Variants in OPCML observed in about 807,000 individuals in gnomAD.
The protein encoded by OPCML is opioid-binding protein/cell adhesion molecule.
A neutral mutation model predicts 37.8 loss-of-function variants in OPCML; 13 were observed. The observed-to-expected ratio is 0.34, with a 90% CI of 0.22 to 0.55. The LOEUF is 0.55. OPCML is among the 20% of genes least tolerant of loss of function. The pLI is 0.91. For synonymous variants in OPCML, 176 were observed against 168.8 expected (o/e 1.04, Z -0.33); for missense variants, 341 against 435.6 (o/e 0.78, Z 1.93).
intron 3 of OPCML, among the ~76,000 whole-genome samples, chr11:132,593,669 T>G (rs2096488171): frequency 6.6e-6 from 1 of 152,136 alleles, no homozygotes; most frequent in Non-Finnish European, 1.5e-5. Flanking sequence ...GAGAATTCTC[T>G]GAGATGAAGT....
intron 1 of OPCML, among the ~76,000 whole-genome samples, chr11:132,963,357 C>T (rs578101593): frequency 6.6e-6 from 1 of 151,944 alleles, no homozygotes; most frequent in South Asian, 2.1e-4. Context: ...TTTGGGAGTT[C>T]GAGGTGGGCG....
intron 1 of OPCML, among the ~76,000 whole-genome samples, chr11:133,314,200 A>C (rs908979372): frequency 2.4e-5 from 3 of 126,102 alleles, no homozygotes; most frequent in Non-Finnish European, 4.7e-5. Flanking sequence ...GCGCCACTGC[A>C]CTCCAGCCTG....
chr11:133,446,212 A>G (rs1946471470), intron 1 of OPCML, among the ~76,000 whole-genome samples: 1 of 152,128 alleles, frequency 6.6e-6, no homozygotes, highest in Non-Finnish European at 1.5e-5. Context: ...AGAACTCCCA[A>G]TCTCCCTTTA....
At chr11:132,566,746 A>C (rs927953964) in intron 3 of OPCML, among the ~76,000 whole-genome samples, 2 of 152,182 alleles carry the variant, frequency 1.3e-5, no homozygotes, top group Admixed American at 1.3e-4. Flanking sequence ...AAGTGCTATA[A>C]AAGCACAGTG....
At chr11:133,024,275 A>G (rs1407838408) in intron 1 of OPCML, 1 of 887,180 alleles carries the variant, frequency 1.1e-6, no homozygotes, top group African/African-American at 1.8e-5. Flanking sequence ...AAAAGCTTCT[A>G]GAGCAAGCGT....
intron 2 of OPCML, among the ~76,000 whole-genome samples, chr11:132,664,866 G>A (rs2135796758): frequency 6.6e-6 from 1 of 152,330 alleles, no homozygotes; most frequent in Non-Finnish European, 1.5e-5. Context: ...ATAAGGTATT[G>A]GTTGAGAATG....
At chr11:132,720,895 T>C (rs1366128577) in intron 2 of OPCML, among the ~76,000 whole-genome samples, 1 of 151,390 alleles carries the variant, frequency 6.6e-6, no homozygotes, top group Non-Finnish European at 1.5e-5. Context: ...CCCTAATAGC[T>C]TTACATAGAG....
At chr11:132,532,589 A>G (rs1338315163) in intron 3 of OPCML, among the ~76,000 whole-genome samples, 1 of 152,196 alleles carries the variant, frequency 6.6e-6, no homozygotes, top group Non-Finnish European at 1.5e-5. Flanking sequence ...ATCTCACTGC[A>G]TTATGATTCC....
intron 1 of OPCML, among the ~76,000 whole-genome samples, chr11:133,045,203 T>C (rs1445962039): frequency 1.3e-5 from 2 of 152,126 alleles, no homozygotes; most frequent in Non-Finnish European, 2.9e-5. Flanking sequence ...GGGTGCATTC[T>C]TTCACACCTC....
chr11:132,737,408 T>C (rs2136027771), intron 2 of OPCML, among the ~76,000 whole-genome samples: 1 of 152,288 alleles, frequency 6.6e-6, no homozygotes, highest in South Asian at 2.1e-4. Flanking sequence ...CGACACATCA[T>C]ATAGTCTATT....
intron 1 of OPCML, among the ~76,000 whole-genome samples, chr11:133,326,447 G>A (rs1040080841): frequency 7.0e-6 from 1 of 142,054 alleles, no homozygotes; most frequent in Admixed American, 7.4e-5. Flanking sequence ...GTGTATGTGT[G>A]TGTATGTGTG....
chr11:132,582,846 GTT>G (rs386375310), intron 3 of OPCML, among the ~76,000 whole-genome samples: 2 of 43,722 alleles, frequency 4.6e-5, no homozygotes, highest in Non-Finnish European at 4.6e-5. Flanking sequence ...TTTGTTTAAG[GTT>G]TTTTTTTTTT....
At chr11:132,832,681 CACTT>C (rs1479433056) in intron 2 of OPCML, among the ~76,000 whole-genome samples, 2 of 152,204 alleles carry the variant, frequency 1.3e-5, no homozygotes, top group Non-Finnish European at 2.9e-5. Context: ...GGTCATGTGT[CACTT>C]ACTAGCTGAG....
intron 1 of OPCML, among the ~76,000 whole-genome samples, chr11:132,973,645 A>G (rs1013118757): frequency 6.6e-6 from 1 of 152,204 alleles, no homozygotes. Context: ...AACAAAGTTG[A>G]CTGATTACTT....
At chr11:132,966,481 T>C (rs2136740555) in intron 1 of OPCML, among the ~76,000 whole-genome samples, 1 of 152,302 alleles carries the variant, frequency 6.6e-6, no homozygotes, top group South Asian at 2.1e-4. Flanking sequence ...ATCTGCTGTA[T>C]TCTGGAGAAT....
chr11:132,517,527 T>C (rs116362767), intron 4 of OPCML, among the ~76,000 whole-genome samples: 1,668 of 152,324 alleles, frequency 0.011, 36 homozygotes, highest in African/African-American at 0.038. Flanking sequence ...TTATTTTCTA[T>C]TGAAGCCCAC....
intron 1 of OPCML, among the ~76,000 whole-genome samples, chr11:133,229,591 G>C (rs2098067913): frequency 6.6e-6 from 1 of 151,654 alleles, no homozygotes; most frequent in Admixed American, 6.6e-5. Context: ...CAAATTAATA[G>C]GAAGACAAAA....
intron 1 of OPCML, among the ~76,000 whole-genome samples, chr11:132,954,037 A>C (rs1307571561): frequency 1.3e-5 from 2 of 152,186 alleles, no homozygotes; most frequent in East Asian, 1.9e-4. Flanking sequence ...AGTTACTTGA[A>C]ATCATATCTC....
At chr11:133,277,089 T>TC (rs970332860) in intron 1 of OPCML, among the ~76,000 whole-genome samples, 3 of 152,274 alleles carry the variant, frequency 2.0e-5, no homozygotes, top group African/African-American at 7.2e-5. Flanking sequence ...CTCAGAATCC[T>TC]CCCCTCCCTC....
Sources: allele counts gnomAD v4.1 joint callset (sites outside exome capture counted in the v4.1 genomes callset), GRCh38; gene constraint gnomAD v4.1.1; transcripts MANE v1.5; gene names NCBI Gene and HGNC (gene_info 2026-07-23, HGNC 2026-07-21).